Variants in FBXO32 observed in about 807,000 individuals in gnomAD.
FBXO32 encodes the protein F-box only protein 32.
Under a neutral mutation model 48.3 loss-of-function variants are expected in FBXO32, and 15 were observed. The ratio of observed to expected loss-of-function variants is 0.31; its 90% CI spans 0.21 to 0.48. FBXO32 has a LOEUF of 0.48. Among genes scored for constraint, FBXO32 ranks in the 20% least tolerant of loss-of-function variants. The pLI is 0.99. For synonymous variants in FBXO32, 154 were observed against 165.9 expected (o/e 0.93, Z 0.55); for missense variants, 309 against 432.7 (o/e 0.71, Z 2.54).
At chr8:123,524,787 G>A (rs549019423) in intron 4 of FBXO32, among the ~76,000 whole-genome samples, 21 of 152,330 alleles carry the variant, frequency 1.4e-4, no homozygotes, top group East Asian at 1.9e-4. Flanking sequence ...CAGAGTGCTC[G>A]GATTACAGGT....
intron 6 of FBXO32, among the ~76,000 whole-genome samples, chr8:123,511,488 T>G (rs1816733374): frequency 6.6e-6 from 1 of 151,528 alleles, no homozygotes; most frequent in South Asian, 2.1e-4. Flanking sequence ...TTGTTTTTTT[T>G]TTTTTTCCTT....
chr8:123,513,346 T>G lies in FBXO32; in HGVS notation c.503A>C (p.Glu168Ala). 1 of 1,614,136 alleles carries G rather than the reference T, an allele frequency of 6.2e-7. No homozygotes were observed. The highest frequency in any genetic ancestry group is 8.5e-7 in the Non-Finnish European group (1 of 1,180,002). Residue 168 changes from glutamate to alanine, a missense_variant, in exon 6 of 9, where the codon GAA (glutamate) becomes GCA (alanine). Transcript: ENST00000517956. The surrounding 1 kb of genome is among the most constrained non-coding windows in gnomAD (Gnocchi z 4.3). ...GGATGTGTAGAGGGTCTGGAGTAGT[T>G]CCCTTATTAGTCTAATGTTTTGCTG... ...EDQQNIRLIR[E>A]LLQTLYTSLC...
Position 123,501,972 on chromosome 8 carries a change from T to C in FBXO32, c.*1401A>G, listed in dbSNP as rs1176369110. ...CAGGAATATTTTACAACGAACTCAT[T>C]AGGTCCTGAGATTTCCTTTCTTCCA... On this transcript the variant is annotated 3_prime_UTR_variant, in exon 9 of 9. Transcript: ENST00000517956. 2.0e-5 allele frequency: 3 copies of C among 152,208 alleles called. No individual in the cohort carries two copies. The highest frequency in any genetic ancestry group is 2.9e-5 in the Non-Finnish European group (2 of 68,038). The allele number at this position is 152,208 out of a possible 1,614,324, so 9.4% of individuals were successfully genotyped here.
rs371377453 is a variant in FBXO32 at position 123,507,438 on chromosome 8, G to GGGGTGT, written c.652-865_652-864insACACCC. On this transcript the variant is annotated intron_variant, in intron 6 of 8. Transcript: ENST00000517956. ...CAATAACACAGAGACTCTGTGCTAG[G>GGGGTGT]GTGTGTGTGTGTGTGTGTGTGTGTG... 3.9e-3 allele frequency among the ~76,000 whole-genome samples: 542 copies of GGGGTGT among 139,884 alleles called. 1 individual carries two copies. The highest frequency in any genetic ancestry group is 0.011 in the African/African-American group (405 of 37,610). The allele number at this position is 139,884 out of a possible 152,430, so 91.8% of individuals were successfully genotyped here. A position where few individuals can be genotyped will look rare whatever the true frequency, so the allele number is the denominator to read the frequency against.
At chr8:123,524,871 G>A (rs894611260) in intron 4 of FBXO32, among the ~76,000 whole-genome samples, 2 of 152,180 alleles carry the variant, frequency 1.3e-5, no homozygotes, top group Non-Finnish European at 2.9e-5. Context: ...CTTTATTGCT[G>A]CTGCAGTGGT....
chr8:123,519,162 C>T (rs1816898523), intron 4 of FBXO32, among the ~76,000 whole-genome samples: 1 of 152,188 alleles, frequency 6.6e-6, no homozygotes. Flanking sequence ...TTCAGTTTGT[C>T]AAGGCCAATC....
At chr8:123,526,756 C>A (rs1328349045) in intron 4 of FBXO32, among the ~76,000 whole-genome samples, 1 of 152,222 alleles carries the variant, frequency 6.6e-6, no homozygotes, top group Non-Finnish European at 1.5e-5. Flanking sequence ...GCCTCTACCA[C>A]ATCTTGGTTC....
intron 6 of FBXO32, among the ~76,000 whole-genome samples, chr8:123,508,966 TTA>T: frequency 6.6e-6 from 1 of 152,138 alleles, no homozygotes; most frequent in African/African-American, 2.4e-5. Context: ...AAAAGAAAAA[TTA>T]GTCACTCTCG....
chr8:123,531,318 C>T (rs1817204215), intron 4 of FBXO32, among the ~76,000 whole-genome samples: 1 of 152,130 alleles, frequency 6.6e-6, no homozygotes, highest in South Asian at 2.1e-4. Flanking sequence ...GGACATGGGA[C>T]TGAATACTGT....
At chr8:123,534,962 A>G in intron 1 of FBXO32, 148 bp from the exon 2 acceptor site, 1 of 543,170 alleles carries the variant, frequency 1.8e-6, no homozygotes, top group Non-Finnish European at 3.2e-6. Context: ...ACTCAAAGAA[A>G]AAAGAGTCTA....
intron 4 of FBXO32, among the ~76,000 whole-genome samples, chr8:123,517,834 A>G (rs1563922536): frequency 6.6e-6 from 1 of 152,224 alleles, no homozygotes; most frequent in Non-Finnish European, 1.5e-5. Flanking sequence ...AATACCAAAC[A>G]TAAGGCATTT....
Position 123,541,178 on chromosome 8 carries a change from T to A in FBXO32, c.-164A>T. 2.6e-6 allele frequency: 1 copy of A among 386,776 alleles called. No homozygotes were observed. The highest frequency in any genetic ancestry group is 4.5e-6 in the Non-Finnish European group (1 of 220,872). 24.0% of individuals were successfully genotyped at this position (386,776 alleles called of 1,614,324 possible). On this transcript the variant is annotated 5_prime_UTR_variant, in exon 1 of 9. Coordinates refer to ENST00000517956, the MANE Select transcript of FBXO32 (RefSeq NM_058229.4). ...TGCGGGGTGGCGGGCGCGGAGAGGATCTCAAGCGTTGCAGGCTCCGGGAGT... is the reference window on the plus strand; with the variant it reads ...TGCGGGGTGGCGGGCGCGGAGAGGAACTCAAGCGTTGCAGGCTCCGGGAGT...
rs771622385 is a variant in FBXO32, at chr8:123,531,880, T to G, written c.372+18A>C. On this transcript the variant is annotated intron_variant, in intron 4 of 8. Transcript: ENST00000517956. ...TTGGGAAAGAGCCTGGATGAGCCTT[T>G]AGGCACTTGAGACTTACCCGGACCA... is the stretch of plus-strand genomic sequence containing the variant. 6 of 1,613,510 alleles carry G rather than the reference T, an allele frequency of 3.7e-6. No homozygotes were observed. Among genetic ancestry groups the G allele is most frequent in the Non-Finnish European group, 3.4e-6 (4 of 1,179,828 alleles).
chr8:123,528,900 T>C (rs890857355), intron 4 of FBXO32, among the ~76,000 whole-genome samples: 10 of 152,140 alleles, frequency 6.6e-5, no homozygotes, highest in Non-Finnish European at 1.0e-4. Context: ...AAACCAGTAA[T>C]CATTGTAGCA....
intron 4 of FBXO32, among the ~76,000 whole-genome samples, chr8:123,529,495 G>A (rs895648407): frequency 2.0e-5 from 3 of 152,214 alleles, no homozygotes; most frequent in African/African-American, 4.8e-5. Flanking sequence ...GGAAGTTGAG[G>A]TAAGTCATTC....
chr8:123,506,296 G>A lies in FBXO32; in HGVS notation c.834+96C>T. The A allele has an allele frequency of 2.2e-6, 3 of 1,354,874 alleles. No homozygotes were observed. The highest frequency in any genetic ancestry group is 3.1e-6 in the Non-Finnish European group (3 of 971,930). The allele number at this position is 1,354,874 out of a possible 1,614,324, so 83.9% of individuals were successfully genotyped here. ...TCAAACCAGGGAACCTGGAATAGGGGGAACCCAGACCTCAGGCTTGAGCAG... is the reference window on the plus strand; with the variant it reads ...TCAAACCAGGGAACCTGGAATAGGGAGAACCCAGACCTCAGGCTTGAGCAG... On this transcript the variant is annotated intron_variant, in intron 7 of 8. Coordinates refer to ENST00000517956, the MANE Select transcript of FBXO32 (RefSeq NM_058229.4). The surrounding 1 kb of genome is among the most constrained non-coding windows in gnomAD (Gnocchi z 4.0).
In FBXO32 at chr8:123,541,081, C is replaced by T. The variant is rs1023511676; in HGVS notation, c.-67G>A. On this transcript the variant is annotated 5_prime_UTR_variant, in exon 1 of 9. Transcript: ENST00000517956. ...CCTGGTGGGCTCGGGGACGTGCCAC[C>T]CGGGGCGGATGCTCGGGGTGCAGGG... is the stretch of plus-strand genomic sequence containing the variant. 1 of 1,112,600 alleles carries T rather than the reference C, an allele frequency of 9.0e-7. No homozygotes were observed. The highest frequency in any genetic ancestry group is 1.2e-6 in the Non-Finnish European group (1 of 812,594). 68.9% of individuals were successfully genotyped at this position (1,112,600 alleles called of 1,614,324 possible).
At position 123,514,367 on chromosome 8, in the gene FBXO32, G is replaced by A. The variant is rs2294088; in HGVS notation, c.373-34C>T. On this transcript the variant is annotated intron_variant, in intron 4 of 8. Transcript: ENST00000517956. ...AAAAATAGAAGTTGCCAGGCTTAGA[G>A]TACAGAGATATTTTTCTCCTCTAAT... The A allele has an allele frequency of 0.3, 465,248 of 1,558,972 alleles. 75,535 individuals carry two copies. The highest frequency in any genetic ancestry group is 0.64 in the East Asian group (28,054 of 43,796).
chr8:123,507,586 T>A lies in FBXO32; in HGVS notation c.652-1012A>T, dbSNP rs537580920. On this transcript the variant is annotated intron_variant, in intron 6 of 8. Transcript: ENST00000517956. ...GGCCTCCGTGGAGCATTGTGAAAAC[T>A]GCTGGTCTGTGGATGATACCTTGGC... 1.4e-4 allele frequency among the ~76,000 whole-genome samples: 21 copies of A among 152,224 alleles called. No homozygotes were observed. In the South Asian group the frequency reaches 3.7e-3, roughly 27 times the overall value.
Sources: allele counts gnomAD v4.1 joint callset (sites outside exome capture counted in the v4.1 genomes callset), GRCh38; gene constraint gnomAD v4.1.1; non-coding constraint Gnocchi (gnomAD v3.1); transcripts MANE v1.5; gene names NCBI Gene and HGNC (gene_info 2026-07-23, HGNC 2026-07-21).